TDP1: variants seen among roughly 807,000 people sequenced by gnomAD.
The protein encoded by TDP1 is tyr-DNA phosphodiesterase 1.
In TDP1, 64 loss-of-function variants were observed where a neutral mutation model predicts 81.5. The ratio of observed to expected loss-of-function variants is 0.79; its 90% CI spans 0.64 to 0.97. TDP1 has a LOEUF of 0.97. Ranked by LOEUF, TDP1 falls within the 50% of genes least tolerant of loss-of-function variation. The pLI is 0.00. For synonymous variants in TDP1, 256 were observed against 264.3 expected, an observed-to-expected ratio of 0.97 and a Z score of 0.30; for missense variants, 723 against 743.8, an observed-to-expected ratio of 0.97 and a Z score of 0.33.
At chr14:89,999,948 G>A (rs960240820) in intron 14 of TDP1, among the ~76,000 whole-genome samples, 10 of 152,158 alleles carry the variant, frequency 6.6e-5, no homozygotes, top group African/African-American at 2.4e-4. Flanking sequence ...CTATCTCATG[G>A]TTCCCGTGGG....
chr14:89,997,411 C>G (rs1222473234), intron 14 of TDP1, among the ~76,000 whole-genome samples: 2 of 152,168 alleles, frequency 1.3e-5, no homozygotes, highest in Non-Finnish European at 2.9e-5. Flanking sequence ...TGGGGATTGT[C>G]ACTGATATCA....
At chr14:89,972,404 G>C (rs574305301) in intron 6 of TDP1, among the ~76,000 whole-genome samples, 3 of 152,252 alleles carry the variant, frequency 2.0e-5, no homozygotes, top group African/African-American at 7.2e-5. Context: ...CTCCTACCAG[G>C]CCCCTCCTCC....
intron 6 of TDP1, among the ~76,000 whole-genome samples, chr14:89,971,672 G>C: frequency 6.6e-6 from 1 of 152,072 alleles, no homozygotes. Flanking sequence ...ATGTAGTATG[G>C]ATTCTGAGTC....
intron 14 of TDP1, among the ~76,000 whole-genome samples, chr14:90,009,372 A>G (rs1429578958): frequency 2.6e-5 from 4 of 152,242 alleles, no homozygotes; most frequent in Non-Finnish European, 1.5e-5. Context: ...AAAGGAAGCC[A>G]CAAAGTGTAG....
intron 6 of TDP1, 96 bp from the exon 7 acceptor site, chr14:89,975,682 TAAA>T: frequency 9.3e-7 from 1 of 1,071,894 alleles, no homozygotes; most frequent in Non-Finnish European, 1.4e-6. Flanking sequence ...AAAATAGTTT[TAAA>T]AAAAAAAGTT....
chr14:89,967,119 A>G (rs923715850), intron 4 of TDP1: 23 of 985,206 alleles, frequency 2.3e-5, no homozygotes, highest in Admixed American at 1.2e-4. Context: ...CTGCCAAAAC[A>G]TGCAGAGATA....
chr14:89,993,068 CAT>C, intron 13 of TDP1: 1 of 861,470 alleles, frequency 1.2e-6, no homozygotes, highest in Non-Finnish European at 1.4e-6. Flanking sequence ...AGGCAGGAGA[CAT>C]ATACACACAT....
chr14:89,967,567 G>A lies in TDP1; in HGVS notation c.659+145G>A, dbSNP rs150977253. On this transcript the variant is annotated intron_variant, in intron 5 of 16. Coordinates refer to ENST00000335725, the MANE Select transcript of TDP1 (RefSeq NM_018319.4). ...ATCACACAGACATTAAGTTATATCC[G>A]GAAAACAGCATTCTTTGATCTATTT... The A allele has an allele frequency of 1.2e-4, 93 of 744,410 alleles. No individual in the cohort carries two copies. The African/African-American group carries it at 1.3e-3, about 10-fold the overall frequency. 46.1% of individuals were successfully genotyped at this position (744,410 alleles called of 1,614,324 possible). A position where few individuals can be genotyped will look rare whatever the true frequency, so the allele number is the denominator to read the frequency against.
intron 14 of TDP1, among the ~76,000 whole-genome samples, chr14:89,995,606 G>A (rs1239699740): frequency 6.6e-6 from 1 of 152,044 alleles, no homozygotes; most frequent in Non-Finnish European, 1.5e-5. Context: ...CATAATAAAG[G>A]AAAGTATAGT....
chr14:90,017,939 G>T (rs1417887838), intron 14 of TDP1, among the ~76,000 whole-genome samples: 2 of 152,102 alleles, frequency 1.3e-5, no homozygotes, highest in Admixed American at 1.3e-4. Context: ...CCTCAATATG[G>T]TTCATTTAGG....
intron 9 of TDP1, 170 bp from the exon 10 acceptor site, chr14:89,984,962 C>A: frequency 1.1e-6 from 1 of 936,796 alleles, no homozygotes; most frequent in Non-Finnish European, 1.3e-6. Context: ...TGTAGGCATT[C>A]CATCATTAGT....
Position 90,044,582 on chromosome 14 carries a change from A to G in TDP1, c.*1439A>G, listed in dbSNP as rs1888641542. Reference sequence around the variant, plus strand: ...GTACCTTAGGAACCTTGTAGGCTGCAGTGGGGGTGTGGCGATAGAGCAGGA... The same window carrying G: ...GTACCTTAGGAACCTTGTAGGCTGCGGTGGGGGTGTGGCGATAGAGCAGGA... On this transcript the variant is annotated 3_prime_UTR_variant, in exon 17 of 17. Coordinates refer to ENST00000335725, the MANE Select transcript of TDP1 (RefSeq NM_018319.4). 3 of 152,292 alleles carry G rather than the reference A, an allele frequency of 2.0e-5. No homozygotes were observed. Among genetic ancestry groups the G allele is most frequent in the Admixed American group, 1.3e-4 (2 of 15,270 alleles). The allele number at this position is 152,292 out of a possible 1,614,324, so 9.4% of individuals were successfully genotyped here. A position where few individuals can be genotyped will look rare whatever the true frequency, so the allele number is the denominator to read the frequency against.
Position 89,984,496 on chromosome 14 carries a change from G to C in TDP1, c.885-20G>C, listed in dbSNP as rs1895339000. On this transcript the variant is annotated intron_variant, in intron 8 of 16. Coordinates refer to ENST00000335725, the MANE Select transcript of TDP1 (RefSeq NM_018319.4). Reference sequence around the variant, plus strand: ...ATCAGTTGTGTGCCTGACTGTTAAAGGTTATTTTTTTAATTCCAGAATATG... The same window carrying C: ...ATCAGTTGTGTGCCTGACTGTTAAACGTTATTTTTTTAATTCCAGAATATG... The C allele has an allele frequency of 2.5e-6, 4 of 1,613,776 alleles. No individual in the cohort carries two copies. The South Asian group carries it at 4.4e-5, about 18-fold the overall frequency.
At chr14:89,975,275 A>T in intron 6 of TDP1, 1 of 298,768 alleles carries the variant, frequency 3.3e-6, no homozygotes, top group Non-Finnish European at 4.9e-6. Flanking sequence ...ACGGGGTTCC[A>T]CTGCGTTAGC....
In TDP1 at chr14:89,963,399, G is replaced by A. The variant is rs35114462; in HGVS notation, c.285G>A (p.Glu95=). 1.9e-6 allele frequency: 3 copies of A among 1,614,094 alleles called. No homozygotes were observed. In the African/African-American group the frequency reaches 4.0e-5, roughly 22 times the overall value. Residue 95 remains glutamate, a synonymous_variant, in exon 3 of 17, where the codon GAG becomes GAA. Coordinates refer to ENST00000335725, the MANE Select transcript of TDP1 (RefSeq NM_018319.4). Reference sequence around the variant, plus strand: ...GGTGTCTGTCCAGCAGTGATGATGAGCTGCAACCAGAAATGCCGCAGAAGC... The same window carrying A: ...GGTGTCTGTCCAGCAGTGATGATGAACTGCAACCAGAAATGCCGCAGAAGC... ...LGWCLSSSDD[E]LQPEMPQKQA... is the part of the protein sequence containing the mutation.
At position 89,984,512 on chromosome 14, in the gene TDP1, C is replaced by A. The variant is rs1413148215; in HGVS notation, c.885-4C>A. 1.2e-6 allele frequency: 2 copies of A among 1,613,722 alleles called. No homozygotes were observed. The highest frequency in any genetic ancestry group is 1.7e-6 in the Non-Finnish European group (2 of 1,180,004). ...ACTGTTAAAGGTTATTTTTTTAATT[C>A]CAGAATATGGTTGAGCCCCTTATAC... is the stretch of plus-strand genomic sequence containing the variant. On this transcript the variant is annotated splice_polypyrimidine_tract_variant and splice_region_variant and intron_variant, in intron 8 of 16. Transcript: ENST00000335725.
chr14:89,956,057 G>T, intron 1 of TDP1, 87 bp downstream of exon 1: 1 of 152,718 alleles, frequency 6.5e-6, no homozygotes. Flanking sequence ...TGGCCGAGTC[G>T]CGGTGCGCGG....
chr14:89,966,877 A>G lies in TDP1; in HGVS notation c.604-490A>G, dbSNP rs60401951. 4.1e-4 allele frequency: 219 copies of G among 539,372 alleles called. No homozygotes were observed. In the African/African-American group the frequency reaches 4.3e-3, roughly 11 times the overall value. The allele number at this position is 539,372 out of a possible 1,614,324, so 33.4% of individuals were successfully genotyped here. On this transcript the variant is annotated intron_variant, in intron 4 of 16. Transcript: ENST00000335725. ...GTACAGAACTTGCATTTAAGATGTA[A>G]TTGTTAGAAGCCTAGTGAATGTCTG...
In TDP1 at chr14:89,984,085, T is replaced by C. The variant is rs960582719; in HGVS notation, c.885-431T>C. The C allele has an allele frequency of 5.1e-6, 5 of 983,970 alleles. No individual in the cohort carries two copies. In the African/African-American group the frequency reaches 7.0e-5, roughly 14 times the overall value. 61.0% of individuals were successfully genotyped at this position (983,970 alleles called of 1,614,324 possible). On this transcript the variant is annotated intron_variant, in intron 8 of 16. Coordinates refer to ENST00000335725, the MANE Select transcript of TDP1 (RefSeq NM_018319.4). Reference sequence around the variant, plus strand: ...ACATTTGGCTGAAGAGCTGCATTGATGCAGACAAGGGCAAATTCTTGCTTG... The same window carrying C: ...ACATTTGGCTGAAGAGCTGCATTGACGCAGACAAGGGCAAATTCTTGCTTG...
Sources: gnomAD v4.1 joint callset for allele counts (sites outside exome capture counted in the v4.1 genomes callset) on GRCh38, gnomAD v4.1.1 for gene constraint, MANE v1.5 for transcripts, NCBI Gene and HGNC (gene_info 2026-07-23, HGNC 2026-07-21) for gene names.